NEDD4L: variants seen among roughly 807,000 people sequenced by gnomAD.
NEDD4L encodes the protein E3 ubiquitin-protein ligase NEDD4-like.
NEDD4L carries 54 observed loss-of-function variants against 148.9 expected under a neutral mutation model. The ratio of observed to expected loss-of-function variants is 0.36; its 90% CI spans 0.29 to 0.45. NEDD4L has a LOEUF of 0.45. NEDD4L is among the 20% of genes least tolerant of loss of function. The pLI is 1.00. For synonymous variants in NEDD4L, 433 were observed against 440.7 expected, an observed-to-expected ratio of 0.98 and a Z score of 0.22; for missense variants, 856 against 1,233.8, an observed-to-expected ratio of 0.69 and a Z score of 4.59.
At chr18:58,135,007 A>T (rs2032668677) in intron 1 of NEDD4L, among the ~76,000 whole-genome samples, 1 of 152,204 alleles carries the variant, frequency 6.6e-6, no homozygotes, top group Non-Finnish European at 1.5e-5. Flanking sequence ...GAGTGACATT[A>T]GAGTTTCTAT....
chr18:58,223,081 C>T (rs1271726828), intron 2 of NEDD4L, among the ~76,000 whole-genome samples: 1 of 147,366 alleles, frequency 6.8e-6, no homozygotes, highest in African/African-American at 2.5e-5. Context: ...GTAAGGAATA[C>T]AAGGTGAACT....
At chr18:58,341,904 C>G (rs560690706) in intron 15 of NEDD4L, 107 bp downstream of exon 15, 1 of 1,315,216 alleles carries the variant, frequency 7.6e-7, no homozygotes, top group South Asian at 1.3e-5. Context: ...TCTCTCTGAT[C>G]AGTCGTTGTG....
intron 5 of NEDD4L, among the ~76,000 whole-genome samples, chr18:58,276,948 A>T (rs547992951): frequency 3.3e-5 from 5 of 151,816 alleles, no homozygotes; most frequent in Admixed American, 1.3e-4. Flanking sequence ...CCTGCTGTTG[A>T]TCAAACATTT....
chr18:58,148,528 C>T (rs761118393), intron 1 of NEDD4L, among the ~76,000 whole-genome samples: 13 of 152,196 alleles, frequency 8.5e-5, no homozygotes, highest in South Asian at 4.1e-4. Context: ...TTGTTTCTCC[C>T]GAGGCCTCTG....
At chr18:58,135,204 A>AAATG (rs899318813) in intron 1 of NEDD4L, among the ~76,000 whole-genome samples, 34 of 152,318 alleles carry the variant, frequency 2.2e-4, no homozygotes, top group Admixed American at 7.2e-4. Context: ...ATGAATGGAT[A>AAATG]AATGAATGAA....
At chr18:58,077,671 GC>G (rs2083239469) in intron 1 of NEDD4L, among the ~76,000 whole-genome samples, 1 of 152,156 alleles carries the variant, frequency 6.6e-6, no homozygotes, top group Admixed American at 6.5e-5. Context: ...TTCTTGTGAT[GC>G]ATCGGGTTTG....
chr18:58,075,739 T>TA (rs374316009), intron 1 of NEDD4L, among the ~76,000 whole-genome samples: 59 of 152,240 alleles, frequency 3.9e-4, no homozygotes, highest in African/African-American at 1.1e-3. Flanking sequence ...CAGCCTGGGC[T>TA]AACATAGCAA....
intron 5 of NEDD4L, among the ~76,000 whole-genome samples, chr18:58,254,248 C>A (rs1384586020): frequency 2.6e-5 from 4 of 152,180 alleles, no homozygotes; most frequent in Non-Finnish European, 5.9e-5. Context: ...GTTACTCTTA[C>A]AGCTTGGTAT....
At chr18:58,134,748 T>A (rs1253175126) in intron 1 of NEDD4L, among the ~76,000 whole-genome samples, 1 of 151,654 alleles carries the variant, frequency 6.6e-6, no homozygotes, top group East Asian at 1.9e-4. Context: ...ATCTTTTTTC[T>A]TTTGTCTTCA....
intron 11 of NEDD4L, among the ~76,000 whole-genome samples, chr18:58,332,639 C>T (rs2144770369): frequency 6.6e-6 from 1 of 152,234 alleles, no homozygotes; most frequent in South Asian, 2.1e-4. Flanking sequence ...CAGAGTGACA[C>T]TTTTATTAAA....
intron 1 of NEDD4L, among the ~76,000 whole-genome samples, chr18:58,101,733 T>G (rs1164984634): frequency 1.3e-5 from 2 of 152,228 alleles, no homozygotes; most frequent in Non-Finnish European, 2.9e-5. Flanking sequence ...GCAGATGCAT[T>G]TGTAAACCTC....
intron 1 of NEDD4L, among the ~76,000 whole-genome samples, chr18:58,093,383 CCT>C (rs1432764289): frequency 6.6e-6 from 1 of 152,150 alleles, no homozygotes; most frequent in African/African-American, 2.4e-5. Flanking sequence ...TCTCATTCAG[CCT>C]CTCAAGCTAT....
At chr18:58,189,207 A>G (rs2039818830) in intron 2 of NEDD4L, among the ~76,000 whole-genome samples, 1 of 152,134 alleles carries the variant, frequency 6.6e-6, no homozygotes, top group African/African-American at 2.4e-5. Flanking sequence ...TCTGTCTGCT[A>G]AGCCTGCTGT....
chr18:58,121,216 AC>A (rs1212304164), intron 1 of NEDD4L, among the ~76,000 whole-genome samples: 2 of 152,126 alleles, frequency 1.3e-5, no homozygotes, highest in Non-Finnish European at 2.9e-5. Flanking sequence ...AAGGATTCTC[AC>A]GTGTGTTATT....
At chr18:58,192,613 T>C (rs2040233085) in intron 2 of NEDD4L, among the ~76,000 whole-genome samples, 2 of 152,224 alleles carry the variant, frequency 1.3e-5, no homozygotes, top group Admixed American at 1.3e-4. Flanking sequence ...TTTCACTGCT[T>C]ACATGGTTAG....
At position 58,206,401 on chromosome 18, in the gene NEDD4L, ACAG is replaced by A. The variant is rs59560089; in HGVS notation, c.123-39023_123-39021del. Among the ~76,000 whole-genome samples the A allele has an allele frequency of 9.1e-3, 1,382 of 152,240 alleles. 22 individuals are homozygous for A. The highest frequency in any genetic ancestry group is 0.03 in the African/African-American group (1,233 of 41,542). The stretch of plus-strand genomic sequence containing the variant: ...GAGACTCCATCTCAAAACAACAACA[ACAG>A]CAACAACAACAAAAACCCAAACTTT... On this transcript the variant is annotated intron_variant, in intron 2 of 30. Coordinates refer to ENST00000400345, the MANE Select transcript of NEDD4L (RefSeq NM_001144967.3).
intron 13 of NEDD4L, among the ~76,000 whole-genome samples, chr18:58,337,128 C>T (rs530783131): frequency 2.0e-5 from 3 of 152,172 alleles, no homozygotes; most frequent in Non-Finnish European, 4.4e-5. Context: ...AATGAGATCC[C>T]GGGTGGCACG....
chr18:58,255,886 C>T (rs1048672913), intron 5 of NEDD4L: 3 of 1,232,140 alleles, frequency 2.4e-6, no homozygotes, highest in Non-Finnish European at 2.0e-6. Context: ...CCAGCATCGA[C>T]GCCCGCCCCA....
chr18:58,047,113 G>T, intron 1 of NEDD4L: 1 of 277,058 alleles, frequency 3.6e-6, no homozygotes, highest in Non-Finnish European at 5.5e-6. Context: ...AGCAGGCTCT[G>T]AAAGTAGAAT....
Sources: allele counts gnomAD v4.1 joint callset (sites outside exome capture counted in the v4.1 genomes callset), GRCh38; gene constraint gnomAD v4.1.1; transcripts MANE v1.5; gene names NCBI Gene and HGNC (gene_info 2026-07-23, HGNC 2026-07-21).